Variants in COL10A1 observed in about 807,000 individuals in gnomAD.
The protein encoded by COL10A1 is collagen type X alpha 1 chain.
COL10A1 carries 10 observed loss-of-function variants against 18.2 expected under a neutral mutation model. That is an observed-to-expected ratio of 0.55 (90% confidence interval 0.34 to 0.93). The LOEUF (loss-of-function observed/expected upper bound fraction) is 0.93. COL10A1 is among the 40% of genes least tolerant of loss of function. The pLI is 0.02. For synonymous variants in COL10A1, 330 were observed against 316.6 expected, an observed-to-expected ratio of 1.04 and a Z score of -0.45; for missense variants, 897 against 853.5, an observed-to-expected ratio of 1.05 and a Z score of -0.64.
At chr6:116,212,818 A>G in the COL10A1 span, among the ~76,000 whole-genome samples, 8 of 152,140 alleles carry the variant, frequency 5.3e-5, no homozygotes, top group African/African-American at 1.7e-4. Context: ...ATGAGAAGTG[A>G]TAAGTATGTA....
chr6:116,132,769 T>C (rs1260488872), intron 1 of COL10A1, among the ~76,000 whole-genome samples: 1 of 152,138 alleles, frequency 6.6e-6, no homozygotes, highest in Admixed American at 6.5e-5. Flanking sequence ...GTTCTTCTAA[T>C]CCTTCATCCT....
the COL10A1 span, among the ~76,000 whole-genome samples, chr6:116,172,610 G>A: frequency 2.0e-5 from 3 of 151,988 alleles, no homozygotes; most frequent in Non-Finnish European, 2.9e-5. Flanking sequence ...GTGAGCCACC[G>A]CGCCAGGCCA....
At chr6:116,157,626 A>G (rs1780228951) in intron 1 of COL10A1, among the ~76,000 whole-genome samples, 1 of 152,230 alleles carries the variant, frequency 6.6e-6, no homozygotes. Flanking sequence ...AAAAAATTAC[A>G]TGAAACCACA....
At chr6:116,162,270 C>T (rs1205611400), upstream of COL10A1, among the ~76,000 whole-genome samples, 1 of 152,152 alleles carries the variant, frequency 6.6e-6, no homozygotes, top group African/African-American at 2.4e-5. Flanking sequence ...CCTTTAATTT[C>T]TTTCTCCTGC....
At chr6:116,135,852 TATATATATATATATATATATACACAC>T (rs1338360466) in intron 1 of COL10A1, among the ~76,000 whole-genome samples, 1 of 115,676 alleles carries the variant, frequency 8.6e-6, no homozygotes, top group African/African-American at 3.6e-5. Flanking sequence ...TATATATATA[TATATATATATATATATATATACACAC>T]ATACACACAC....
chr6:116,161,206 G>C (rs1174263070), upstream of COL10A1, among the ~76,000 whole-genome samples: 1 of 114,008 alleles, frequency 8.8e-6, no homozygotes, highest in Non-Finnish European at 1.7e-5. Context: ...TGGGGGGAGG[G>C]GGGAGGGATA....
the COL10A1 span, among the ~76,000 whole-genome samples, chr6:116,191,781 G>A: frequency 6.6e-6 from 1 of 151,960 alleles, no homozygotes; most frequent in Non-Finnish European, 1.5e-5. Context: ...AATCCTTAAA[G>A]TGTGTATATT....
intron 1 of COL10A1, among the ~76,000 whole-genome samples, chr6:116,138,539 G>GTTCTTTATTATCTCTTAGT (rs1779681696): frequency 6.6e-6 from 1 of 151,888 alleles, no homozygotes; most frequent in African/African-American, 2.4e-5. Flanking sequence ...AATTAAAAAC[G>GTTCTTTATTATCTCTTAGT]AAGCTAATTG....
Position 116,119,648 on chromosome 6 carries a change from AG to A in COL10A1, c.*424del, listed in dbSNP as rs1163636164. On this transcript the variant is annotated 3_prime_UTR_variant, in exon 3 of 3. Coordinates refer to ENST00000651968, the MANE Select transcript of COL10A1 (RefSeq NM_000493.4). ...ATATGATACCTCCTGGATGTTTCCT[AG>A]AAGTTCTCATATTCATAGTTAGAAA... The A allele has an allele frequency of 1.1e-5, 2 of 175,414 alleles. No individual in the cohort carries two copies. The highest frequency in any genetic ancestry group is 4.8e-5 in the African/African-American group (2 of 41,684). 10.9% of individuals were successfully genotyped at this position (175,414 alleles called of 1,614,324 possible). A position where few individuals can be genotyped will look rare whatever the true frequency, so the allele number is the denominator to read the frequency against.
At chr6:116,191,937 G>T in the COL10A1 span, among the ~76,000 whole-genome samples, 1 of 152,022 alleles carries the variant, frequency 6.6e-6, no homozygotes, top group African/African-American at 2.4e-5. Flanking sequence ...AAGCTACATT[G>T]ATTGCCATGA....
the COL10A1 span, among the ~76,000 whole-genome samples, chr6:116,207,078 A>C: frequency 1.3e-5 from 2 of 151,920 alleles, no homozygotes; most frequent in Non-Finnish European, 2.9e-5. Flanking sequence ...AAAGAATGTA[A>C]TTTTTTATTA....
chr6:116,208,502 C>A, the COL10A1 span, among the ~76,000 whole-genome samples: 1 of 152,044 alleles, frequency 6.6e-6, no homozygotes, highest in Non-Finnish European at 1.5e-5. Context: ...GAAAACATTC[C>A]TATTTCTTGC....
Position 116,121,451 on chromosome 6 carries a change from C to CT in COL10A1, c.664dup (p.Arg222LysfsTer3), listed in dbSNP as rs1779122243. On this transcript the variant is annotated frameshift_variant, in exon 3 of 3. Coordinates refer to ENST00000651968, the MANE Select transcript of COL10A1 (RefSeq NM_000493.4). LOFTEE classifies it low-confidence loss of function (END_TRUNC). Reference sequence around the variant, plus strand: ...CTGTCCTGGAACCCCATTTTCACCTCTTTTTCCCACTCCAGGAGGGCCAGA... The same window carrying CT: ...CTGTCCTGGAACCCCATTTTCACCTCTTTTTTCCCACTCCAGGAGGGCCAGA... 4 of 1,613,992 alleles carry CT rather than the reference C, an allele frequency of 2.5e-6. No individual in the cohort carries two copies. The African/African-American group carries it at 5.3e-5, about 22-fold the overall frequency.
At chr6:116,169,996 G>A in the COL10A1 span, among the ~76,000 whole-genome samples, 1 of 152,288 alleles carries the variant, frequency 6.6e-6, no homozygotes, top group South Asian at 2.1e-4. Context: ...CACCTGTTGA[G>A]CCATTGGGTA....
chr6:116,119,776 T>G lies in COL10A1; in HGVS notation c.*297A>C. 7.5e-6 allele frequency: 2 copies of G among 267,352 alleles called. No homozygotes were observed. Among genetic ancestry groups the G allele is most frequent in the East Asian group, 6.7e-5 (1 of 14,870 alleles). The allele number at this position is 267,352 out of a possible 1,614,324, so 16.6% of individuals were successfully genotyped here. A position where few individuals can be genotyped will look rare whatever the true frequency, so the allele number is the denominator to read the frequency against. ...TTTTTAATTTTTTTTTTGTTGTTTG[T>G]TTTTTGTTGTTTGTTTTTAACATAG... On this transcript the variant is annotated 3_prime_UTR_variant, in exon 3 of 3. Transcript: ENST00000651968.
intron 1 of COL10A1, among the ~76,000 whole-genome samples, chr6:116,136,647 C>T (rs1235784623): frequency 1.3e-5 from 2 of 152,110 alleles, no homozygotes; most frequent in East Asian, 3.9e-4. Context: ...TCAGATGTGA[C>T]TTACTGTTCT....
chr6:116,147,867 A>C (rs988498189), intron 1 of COL10A1, among the ~76,000 whole-genome samples: 7 of 152,178 alleles, frequency 4.6e-5, no homozygotes, highest in African/African-American at 1.7e-4. Context: ...CTACATTAGC[A>C]GTCATTAAAA....
chr6:116,128,155 C>T (rs1213178843), upstream of COL10A1, among the ~76,000 whole-genome samples: 1 of 152,114 alleles, frequency 6.6e-6, no homozygotes, highest in Non-Finnish European at 1.5e-5. Context: ...ATTTGTCATT[C>T]TATACTCCCC....
chr6:116,199,967 G>A, the COL10A1 span, among the ~76,000 whole-genome samples: 1 of 144,972 alleles, frequency 6.9e-6, no homozygotes, highest in East Asian at 2.0e-4. Flanking sequence ...CCTGTGCATT[G>A]TACTTCCTTA....
Sources: gnomAD v4.1 joint callset for allele counts (sites outside exome capture counted in the v4.1 genomes callset) on GRCh38, gnomAD v4.1.1 for gene constraint, MANE v1.5 for transcripts, NCBI Gene and HGNC (gene_info 2026-07-23, HGNC 2026-07-21) for gene names.